Variants in ZNF415 observed in about 807,000 individuals in gnomAD.
ZNF415 encodes zinc finger protein 415.
In ZNF415, 5 loss-of-function variants were observed where a neutral mutation model predicts 7.3. The ratio of observed to expected loss-of-function variants is 0.69; its 90% CI spans 0.36 to 1.44. The LOEUF is 1.44. ZNF415 is among the 40% of genes most tolerant of loss of function. The pLI is 0.04. For synonymous variants in ZNF415, 207 were observed against 226.3 expected (o/e 0.91, Z 0.77); for missense variants, 628 against 664.8 (o/e 0.94, Z 0.61).
At position 53,108,681 on chromosome 19, in the gene ZNF415, A is replaced by G; in HGVS notation, c.1364T>C (p.Leu455Ser). ...CGKAFSVHSN[L>S]TTHQVIHTGE... is the part of the protein sequence containing the mutation. Reference sequence around the variant, plus strand: ...AGTATGGATGACCTGATGGGTAGTTAAGTTCGAATGCACACTAAAGGCTTT... The same window carrying G: ...AGTATGGATGACCTGATGGGTAGTTGAGTTCGAATGCACACTAAAGGCTTT... The change falls in exon 4 of 4, where the codon TTA (leucine) becomes TCA (serine). Residue 455 changes from leucine to serine, a missense_variant. Physicochemically the swap from Leu to Ser is moderately radical, Grantham distance 145. Coordinates refer to ENST00000243643, the MANE Select transcript of ZNF415 (RefSeq NM_018355.4). The G allele has an allele frequency of 3.1e-6, 5 of 1,614,184 alleles. No homozygotes were observed. Among genetic ancestry groups the G allele is most frequent in the Non-Finnish European group, 4.2e-6 (5 of 1,180,026 alleles).
Position 53,109,411 on chromosome 19 carries a change from T to C in ZNF415, c.634A>G (p.Arg212Gly). The change falls in exon 4 of 4, where the codon AGG becomes GGG. Residue 212 changes from arginine to glycine, a missense_variant. By Grantham distance (125) the Arg-to-Gly change is moderately radical (BLOSUM62 -2). Coordinates refer to ENST00000243643, the MANE Select transcript of ZNF415 (RefSeq NM_018355.4). ...TCAATATATCTGTAAGGTTTTTCCCTAATGCATGATTTCTGTTCTTGTGTG... is the reference window on the plus strand; with the variant it reads ...TCAATATATCTGTAAGGTTTTTCCCCAATGCATGATTTCTGTTCTTGTGTG... ...LLTQEQKSCI[R>G]EKPYRYIECD... is the part of the protein sequence containing the mutation. 6.2e-7 allele frequency: 1 copy of C among 1,614,148 alleles called. No homozygotes were observed. Among genetic ancestry groups the C allele is most frequent in the Non-Finnish European group, 8.5e-7 (1 of 1,179,980 alleles).
chr19:53,108,321 A>G lies in ZNF415; in HGVS notation c.*56T>C. 6.7e-7 allele frequency: 1 copy of G among 1,488,058 alleles called. No individual in the cohort carries two copies. Among genetic ancestry groups the G allele is most frequent in the Non-Finnish European group, 9.0e-7 (1 of 1,105,324 alleles). The allele number at this position is 1,488,058 out of a possible 1,614,324, so 92.2% of individuals were successfully genotyped here. On this transcript the variant is annotated 3_prime_UTR_variant, in exon 4 of 4. Coordinates refer to ENST00000243643, the MANE Select transcript of ZNF415 (RefSeq NM_018355.4). ...ATTATACTTGTATGGTTTCTCTCTG[A>G]TATAAATTCTTTGATGACTCACAGG...
In ZNF415 at chr19:53,108,318, CTGATA is replaced by C; in HGVS notation, c.*54_*58del. ...TTTATTATACTTGTATGGTTTCTCT[CTGATA>C]TAAATTCTTTGATGACTCACAGGAT... On this transcript the variant is annotated 3_prime_UTR_variant, in exon 4 of 4. Coordinates refer to ENST00000243643, the MANE Select transcript of ZNF415 (RefSeq NM_018355.4). The C allele has an allele frequency of 6.8e-7, 1 of 1,481,290 alleles. No individual in the cohort carries two copies. Among genetic ancestry groups the C allele is most frequent in the Non-Finnish European group, 9.1e-7 (1 of 1,101,802 alleles). The allele number at this position is 1,481,290 out of a possible 1,614,324, so 91.8% of individuals were successfully genotyped here. A position where few individuals can be genotyped will look rare whatever the true frequency, so the allele number is the denominator to read the frequency against.
intron 3 of ZNF415, among the ~76,000 whole-genome samples, chr19:53,111,030 G>A (rs2086153364): frequency 6.6e-6 from 1 of 152,178 alleles, no homozygotes; most frequent in South Asian, 2.1e-4. Context: ...AAAATATAAT[G>A]CAGTCTCTAC....
chr19:53,118,522 C>T (rs970759661), intron 2 of ZNF415, among the ~76,000 whole-genome samples: 1 of 152,194 alleles, frequency 6.6e-6, no homozygotes, highest in Non-Finnish European at 1.5e-5. Context: ...ATAGAACATT[C>T]TCCAAGACAG....
intron 1 of ZNF415, 140 bp from the exon 2 acceptor site, chr19:53,122,883 G>A: frequency 1.6e-6 from 1 of 619,398 alleles, no homozygotes; most frequent in Non-Finnish European, 2.8e-6. Context: ...GGTGGCCCCA[G>A]GGACAAGAAA....
At chr19:53,123,520 G>A (rs1240174646) in intron 1 of ZNF415, 4 of 398,708 alleles carry the variant, frequency 1.0e-5, no homozygotes, top group Non-Finnish European at 1.3e-5. Flanking sequence ...AGGGGCCAGC[G>A]AGTTCCAGCA....
chr19:53,120,641 TAATAAG>T (rs1354301908), intron 2 of ZNF415, among the ~76,000 whole-genome samples: 1 of 152,122 alleles, frequency 6.6e-6, no homozygotes, highest in Non-Finnish European at 1.5e-5. Context: ...ACAATACATA[TAATAAG>T]AATATGGATA....
rs199741749 is a variant in ZNF415, at chr19:53,108,387, T to C, written c.1658A>G (p.Lys553Arg). Residue 553 changes from lysine (K) to arginine (R), a missense_variant, in exon 4 of 4, where the codon AAA (lysine) becomes AGA (arginine). Lys to Arg is a conservative substitution (Grantham distance 26). Coordinates refer to ENST00000243643, the MANE Select transcript of ZNF415 (RefSeq NM_018355.4). ...QIIHTKEKPYKRN is the reference protein window; with the variant it reads ...QIIHTKEKPYRRN ...GAAGACCTTGCCATATTAATTTCTT[T>C]TATAAGGTTTCTCCTTAGTATGGAT... is the stretch of plus-strand genomic sequence containing the variant. The C allele has an allele frequency of 7.5e-5, 120 of 1,600,590 alleles. No homozygotes were observed. Among genetic ancestry groups the C allele is most frequent in the Non-Finnish European group, 9.1e-5 (107 of 1,174,136 alleles).
intron 2 of ZNF415, among the ~76,000 whole-genome samples, chr19:53,119,062 C>T (rs1399837458): frequency 6.6e-6 from 1 of 151,946 alleles, no homozygotes; most frequent in Non-Finnish European, 1.5e-5. Flanking sequence ...GGGCGGATCA[C>T]GAGGTCAGGA....
intron 3 of ZNF415, chr19:53,115,858 T>G (rs2146339697): frequency 6.9e-7 from 1 of 1,439,894 alleles, no homozygotes; most frequent in Non-Finnish European, 9.6e-7. Flanking sequence ...TGGAACATGA[T>G]GTGCTGTGGC....
At chr19:53,130,873 T>C (rs2089979499) in intron 1 of ZNF415, among the ~76,000 whole-genome samples, 9 of 152,042 alleles carry the variant, frequency 5.9e-5, no homozygotes, top group Admixed American at 5.9e-4. Context: ...CTTGAACTAC[T>C]GACCTTGTGA....
intron 2 of ZNF415, among the ~76,000 whole-genome samples, chr19:53,120,913 G>T (rs943819650): frequency 6.7e-6 from 1 of 149,786 alleles, no homozygotes; most frequent in Admixed American, 6.7e-5. Context: ...GTGAAACCCC[G>T]TCTCTACTAA....
intron 1 of ZNF415, among the ~76,000 whole-genome samples, chr19:53,131,556 C>T (rs994960812): frequency 6.6e-6 from 1 of 152,094 alleles, no homozygotes; most frequent in Non-Finnish European, 1.5e-5. Context: ...GTTTCCCTCC[C>T]TCGTTCCGTA....
chr19:53,116,019 C>T (rs1168364828), intron 3 of ZNF415: 1 of 614,584 alleles, frequency 1.6e-6, no homozygotes, highest in African/African-American at 1.8e-5. Flanking sequence ...CTTCCAAGAA[C>T]TACTGAATCA....
intron 2 of ZNF415, 147 bp from the exon 3 acceptor site, chr19:53,116,580 C>G: frequency 2.1e-6 from 2 of 943,028 alleles, no homozygotes; most frequent in Non-Finnish European, 3.1e-6. Flanking sequence ...TTTTTGAGTA[C>G]ATATCTCTCC....
chr19:53,116,175 C>T (rs1374347594), intron 3 of ZNF415, 138 bp downstream of exon 3: 8 of 1,025,900 alleles, frequency 7.8e-6, no homozygotes, highest in African/African-American at 4.8e-5. Context: ...CCAGAGTTCA[C>T]ATTATGGAGC....
intron 2 of ZNF415, among the ~76,000 whole-genome samples, chr19:53,122,012 C>T (rs989198898): frequency 4.0e-5 from 6 of 151,798 alleles, no homozygotes; most frequent in South Asian, 2.1e-4. Context: ...TTTGGGAAGC[C>T]GAGGTGGGTG....
intron 3 of ZNF415, among the ~76,000 whole-genome samples, chr19:53,113,655 G>A (rs1449875582): frequency 6.6e-6 from 1 of 152,044 alleles, no homozygotes; most frequent in African/African-American, 2.4e-5. Flanking sequence ...ATTGAACCCA[G>A]GCTGAACAAA....
Sources: gnomAD v4.1 joint callset for allele counts (sites outside exome capture counted in the v4.1 genomes callset) on GRCh38, gnomAD v4.1.1 for gene constraint, MANE v1.5 for transcripts, NCBI Gene and HGNC (gene_info 2026-07-23, HGNC 2026-07-21) for gene names.